Variants in AP1G1 observed in about 807,000 individuals in gnomAD.
AP1G1 encodes AP-1 complex subunit gamma-1.
AP1G1 carries 7 observed loss-of-function variants against 108.3 expected under a neutral mutation model. The observed-to-expected ratio is 0.06, with a 90% CI of 0.04 to 0.12. AP1G1 has a LOEUF of 0.12. Among genes scored for constraint, AP1G1 ranks in the 10% least tolerant of loss-of-function variants. The pLI, the probability that AP1G1 is intolerant of heterozygous loss-of-function variation, is 1.00. For synonymous variants in AP1G1, 379 were observed against 353.5 expected (o/e 1.07, Z -0.81); for missense variants, 756 against 1,010.7 (o/e 0.75, Z 3.42).
At chr16:71,778,122 A>C (rs962362302) in intron 2 of AP1G1, among the ~76,000 whole-genome samples, 7 of 152,232 alleles carry the variant, frequency 4.6e-5, no homozygotes, top group African/African-American at 1.2e-4. Context: ...ACAACAACAA[A>C]AAAACCTTAC....
chr16:71,774,500 A>T lies in AP1G1; in HGVS notation c.294T>A (p.Asp98Glu). The T allele has an allele frequency of 6.2e-7, 1 of 1,603,698 alleles. No homozygotes were observed. The highest frequency in any genetic ancestry group is 8.5e-7 in the Non-Finnish European group (1 of 1,177,626). The change falls in exon 3 of 23, where the codon GAT (aspartate) becomes GAA (glutamate). Residue 98 changes from aspartate (D) to glutamate (E), a missense_variant. Around this residue, in one of 3 missense-constraint regions of AP1G1, gnomAD observed 304 missense variants for 483.6 expected, o/e 0.63. Transcript: ENST00000299980. ...TACAGTTGGTCATGAGAAGATGGAC[A>T]TCTTGTCTTTCATCTAACAGCAGCA... Reference protein sequence around the residue: ...GAMLLLDERQDVHLLMTNCIK... With the variant: ...GAMLLLDERQEVHLLMTNCIK...
At chr16:71,782,787 A>C (rs1045173827) in intron 2 of AP1G1, among the ~76,000 whole-genome samples, 12 of 151,936 alleles carry the variant, frequency 7.9e-5, no homozygotes, top group Non-Finnish European at 5.9e-5. Flanking sequence ...TGCCCAGCCG[A>C]TTATTATTCT....
At chr16:71,790,115 G>A (rs890052176) in intron 1 of AP1G1, among the ~76,000 whole-genome samples, 6 of 147,354 alleles carry the variant, frequency 4.1e-5, no homozygotes, top group African/African-American at 1.0e-4. Flanking sequence ...AAAAAAAAAC[G>A]TTAATAAGGG....
At chr16:71,754,203 GAA>G (rs1212474740) in intron 12 of AP1G1, among the ~76,000 whole-genome samples, 1 of 148,522 alleles carries the variant, frequency 6.7e-6, no homozygotes, top group Admixed American at 6.8e-5. Context: ...AGAGAGAAAA[GAA>G]AGAGAAGAAA....
rs574504443 is a variant in AP1G1 at position 71,734,135 on chromosome 16, T to A, written c.2367+474A>T. On this transcript the variant is annotated intron_variant, in intron 22 of 22. Transcript: ENST00000299980. ...CCATTTTCAAAAACTGAAAACCAAC[T>A]GATTACTATTAAGGTGAGCTTATTT... 5.7e-4 allele frequency among the ~76,000 whole-genome samples: 87 copies of A among 152,312 alleles called. 2 individuals carry two copies. In the South Asian group the frequency reaches 0.017, roughly 29 times the overall value.
intron 19 of AP1G1, among the ~76,000 whole-genome samples, chr16:71,744,711 G>T (rs558495871): frequency 6.6e-6 from 1 of 151,814 alleles, no homozygotes; most frequent in African/African-American, 2.4e-5. Context: ...GAGTAGCTGG[G>T]ATTATAGGCA....
chr16:71,736,117 A>AAAAAAAAAATAT (rs1555550846), intron 21 of AP1G1, among the ~76,000 whole-genome samples: 6 of 71,632 alleles, frequency 8.4e-5, no homozygotes, highest in East Asian at 4.8e-4. Flanking sequence ...AAAAAAAAAA[A>AAAAAAAAAATAT]ATATATATAT....
intron 1 of AP1G1, among the ~76,000 whole-genome samples, chr16:71,799,560 G>T (rs1170196761): frequency 3.3e-5 from 5 of 152,116 alleles, no homozygotes; most frequent in African/African-American, 1.2e-4. Flanking sequence ...TCAAGTCCAG[G>T]AGTTTGAGAC....
At chr16:71,808,512 G>A in intron 1 of AP1G1, 3 of 1,265,632 alleles carry the variant, frequency 2.4e-6, no homozygotes, top group African/African-American at 1.5e-5. Context: ...TACCGGCGGG[G>A]CAACGCCACA....
chr16:71,750,611 T>TCA (rs2030441463), intron 13 of AP1G1: 4 of 306,520 alleles, frequency 1.3e-5, no homozygotes, highest in African/African-American at 8.7e-5. Flanking sequence ...AGATGGGGTT[T>TCA]CACCATGTTG....
At chr16:71,785,797 G>A (rs2032182801) in intron 2 of AP1G1, among the ~76,000 whole-genome samples, 1 of 151,950 alleles carries the variant, frequency 6.6e-6, no homozygotes, top group East Asian at 1.9e-4. Flanking sequence ...AAGGAGAATG[G>A]CGTGAACCCA....
rs140952591 is a variant in AP1G1, at chr16:71,775,233, T to C, written c.202-641A>G. On this transcript the variant is annotated intron_variant, in intron 2 of 22. Transcript: ENST00000299980. Reference sequence around the variant, plus strand: ...TTTTAGAACAGACAGGGTTTCAACATGTTGGCCAGGCTGGTCACGGACTCC... The same window carrying C: ...TTTTAGAACAGACAGGGTTTCAACACGTTGGCCAGGCTGGTCACGGACTCC... Among the ~76,000 whole-genome samples, 1,500 of 150,552 alleles carry C rather than the reference T, an allele frequency of 1.0e-2. 23 individuals carry two copies. The highest frequency in any genetic ancestry group is 0.035 in the African/African-American group (1,414 of 40,874).
At chr16:71,740,323 A>G (rs1223471011) in intron 19 of AP1G1, among the ~76,000 whole-genome samples, 1 of 152,204 alleles carries the variant, frequency 6.6e-6, no homozygotes, top group Admixed American at 6.5e-5. Context: ...TGTAACAACC[A>G]AAAATATCTT....
At chr16:71,796,868 A>G (rs922156995) in intron 1 of AP1G1, among the ~76,000 whole-genome samples, 5 of 152,102 alleles carry the variant, frequency 3.3e-5, no homozygotes, top group African/African-American at 1.2e-4. Flanking sequence ...ATTCAACAGC[A>G]CTGAGATGCA....
chr16:71,805,532 A>C (rs2032969808), intron 1 of AP1G1, among the ~76,000 whole-genome samples: 1 of 152,174 alleles, frequency 6.6e-6, no homozygotes, highest in African/African-American at 2.4e-5. Flanking sequence ...AGTATTTTTA[A>C]ATGTTCTGAA....
intron 13 of AP1G1, among the ~76,000 whole-genome samples, chr16:71,752,646 A>C (rs993995924): frequency 1.3e-5 from 2 of 152,106 alleles, no homozygotes; most frequent in South Asian, 4.1e-4. Context: ...TTTTCAGGCT[A>C]AAGTCCTAAA....
At position 71,750,274 on chromosome 16, in the gene AP1G1, C is replaced by G. The variant is rs2030415607; in HGVS notation, c.1343G>C (p.Ser448Thr). 2.5e-6 allele frequency: 4 copies of G among 1,614,066 alleles called. No homozygotes were observed. The highest frequency in any genetic ancestry group is 4.5e-5 in the East Asian group (2 of 44,878). The change falls in exon 14 of 23, where the codon AGT (serine) becomes ACT (threonine). Residue 448 changes from serine (S) to threonine (T), a missense_variant. Ser to Thr is a moderately conservative substitution (Grantham distance 58, BLOSUM62 1). Around this residue, in one of 3 missense-constraint regions of AP1G1, gnomAD observed 357 missense variants for 366.5 expected, o/e 0.97. Coordinates refer to ENST00000299980, the MANE Select transcript of AP1G1 (RefSeq NM_001128.6). ...VPNLIQLITN[S>T]VEMHAYTVQR... is the part of the protein sequence containing the mutation. ...GACAGTATAGGCATGCATCTCCACA[C>G]TATTAGTTATTAACTGGATTAAATT...
At chr16:71,738,035 C>T (rs1567639510) in intron 21 of AP1G1, among the ~76,000 whole-genome samples, 1 of 152,146 alleles carries the variant, frequency 6.6e-6, no homozygotes, top group Admixed American at 6.5e-5. Flanking sequence ...CTCAACTTTT[C>T]TTTATTTAGA....
chr16:71,791,187 T>A (rs1182213511), intron 1 of AP1G1, among the ~76,000 whole-genome samples: 1 of 146,058 alleles, frequency 6.8e-6, no homozygotes, highest in East Asian at 2.0e-4. Flanking sequence ...ACCACTGCAA[T>A]CCAGCCTGGG....
Sources: gnomAD v4.1 joint callset for allele counts (sites outside exome capture counted in the v4.1 genomes callset) on GRCh38, gnomAD v4.1.1 for gene constraint, gnomAD v4.1.1 regional missense constraint, MANE v1.5 for transcripts, NCBI Gene and HGNC (gene_info 2026-07-23, HGNC 2026-07-21) for gene names.